The following C7orf78 variants were observed in gnomAD, a reference collection of about 807,000 sequenced individuals.
C7orf78 encodes putative uncharacterized protein C7orf78.
At chr7:12,529,083 C>T in the C7orf78 span, 1 of 398,136 alleles carries the variant, frequency 2.5e-6, no homozygotes, top group African/African-American at 2.1e-5. Context: ...GAAAATGTCT[C>T]CAGCACTGTT....
the C7orf78 span, among the ~76,000 whole-genome samples, chr7:12,519,394 G>C: frequency 6.6e-6 from 1 of 152,180 alleles, no homozygotes; most frequent in Non-Finnish European, 1.5e-5. Context: ...GAGAAGGAAA[G>C]AGATCCCATT....
the C7orf78 span, chr7:12,525,838 A>G: frequency 2.5e-6 from 1 of 397,066 alleles, no homozygotes; most frequent in Non-Finnish European, 4.4e-6. Flanking sequence ...TGGTTTACCA[A>G]ACTTTGAGAC....
chr7:12,489,108 G>C, the C7orf78 span, among the ~76,000 whole-genome samples: 2 of 151,696 alleles, frequency 1.3e-5, no homozygotes, highest in Non-Finnish European at 2.9e-5. Flanking sequence ...GAAGTATTGG[G>C]GCATATTAAA....
At chr7:12,490,429 T>C in the C7orf78 span, among the ~76,000 whole-genome samples, 1 of 152,118 alleles carries the variant, frequency 6.6e-6, no homozygotes, top group Non-Finnish European at 1.5e-5. Context: ...TTGCTATTCA[T>C]AAGGTCAACA....
chr7:12,540,337 A>G, the C7orf78 span, among the ~76,000 whole-genome samples: 10 of 152,318 alleles, frequency 6.6e-5, no homozygotes, highest in African/African-American at 2.2e-4. Flanking sequence ...TGGTGCTAAT[A>G]CAGAAGGAAA....
chr7:12,507,123 AC>A, the C7orf78 span: 1 of 203,038 alleles, frequency 4.9e-6, no homozygotes, highest in Non-Finnish European at 9.7e-6. Context: ...ACATGGTGAA[AC>A]CCTGTCTCTA....
At chr7:12,523,373 G>C in the C7orf78 span, 2,083 of 398,274 alleles carry the variant, frequency 5.2e-3, 39 homozygotes, top group African/African-American at 0.039. Context: ...TGTGAAGAGT[G>C]GACAATATCC....
chr7:12,508,849 G>A, the C7orf78 span, among the ~76,000 whole-genome samples: 2 of 152,186 alleles, frequency 1.3e-5, no homozygotes, highest in Admixed American at 1.3e-4. Flanking sequence ...CTCCTTATGA[G>A]AATCAAATGC....
the C7orf78 span, among the ~76,000 whole-genome samples, chr7:12,521,911 A>T: frequency 1.3e-5 from 2 of 151,852 alleles, no homozygotes; most frequent in Non-Finnish European, 2.9e-5. Flanking sequence ...TGCTCCTTTT[A>T]CATGCTTCTT....
the C7orf78 span, among the ~76,000 whole-genome samples, chr7:12,489,016 T>C: frequency 6.6e-6 from 1 of 151,172 alleles, no homozygotes; most frequent in Non-Finnish European, 1.5e-5. Flanking sequence ...GAAAAGACCA[T>C]AGAAAAGGAA....
At chr7:12,525,105 C>G in the C7orf78 span, among the ~76,000 whole-genome samples, 1 of 151,796 alleles carries the variant, frequency 6.6e-6, no homozygotes. Context: ...TTCTTTGGAA[C>G]TTTTAATATT....
At chr7:12,517,100 G>A in the C7orf78 span, among the ~76,000 whole-genome samples, 1 of 152,016 alleles carries the variant, frequency 6.6e-6, no homozygotes, top group Admixed American at 6.6e-5. Context: ...ATCTCATCTT[G>A]AATTGTACTC....
chr7:12,496,302 G>A, the C7orf78 span: 1 of 152,200 alleles, frequency 6.6e-6, no homozygotes, highest in East Asian at 1.9e-4. Flanking sequence ...CTACCTGAGA[G>A]GAGACTTTTG....
the C7orf78 span, among the ~76,000 whole-genome samples, chr7:12,536,368 C>T: frequency 2.6e-5 from 4 of 152,148 alleles, no homozygotes; most frequent in Non-Finnish European, 5.9e-5. Flanking sequence ...TGGCCTCTTC[C>T]AGCCATGGCT....
the C7orf78 span, among the ~76,000 whole-genome samples, chr7:12,515,542 A>G: frequency 6.6e-6 from 1 of 152,162 alleles, no homozygotes; most frequent in African/African-American, 2.4e-5. Flanking sequence ...ATGTGGAAAC[A>G]ATTTTGGAAT....
the C7orf78 span, among the ~76,000 whole-genome samples, chr7:12,522,056 C>T: frequency 6.6e-6 from 1 of 151,818 alleles, no homozygotes; most frequent in Non-Finnish European, 1.5e-5. Flanking sequence ...GAGTAGTTTC[C>T]TTTCATTCAT....
At chr7:12,522,088 A>G in the C7orf78 span, among the ~76,000 whole-genome samples, 1 of 152,064 alleles carries the variant, frequency 6.6e-6, no homozygotes, top group African/African-American at 2.4e-5. Flanking sequence ...TTCACTTGCA[A>G]CTTTAGCATA....
chr7:12,495,874 A>G, the C7orf78 span, among the ~76,000 whole-genome samples: 1 of 152,124 alleles, frequency 6.6e-6, no homozygotes, highest in South Asian at 2.1e-4. Context: ...TGAGGTTTTC[A>G]TTTGCCACAA....
At chr7:12,515,246 C>T in the C7orf78 span, among the ~76,000 whole-genome samples, 1 of 152,128 alleles carries the variant, frequency 6.6e-6, no homozygotes, top group Non-Finnish European at 1.5e-5. Context: ...AGGCAGTTTC[C>T]CCCATACTAT....
Sources: gnomAD v4.1 joint callset for allele counts (sites outside exome capture counted in the v4.1 genomes callset) on GRCh38, gnomAD v4.1.1 for gene constraint, MANE v1.5 for transcripts, NCBI Gene and HGNC (gene_info 2026-07-23, HGNC 2026-07-21) for gene names.